Variants in TNFRSF9 observed in about 807,000 individuals in gnomAD.
TNFRSF9 encodes the protein tumor necrosis factor receptor superfamily member 9.
TNFRSF9 carries 16 observed loss-of-function variants against 28.8 expected under a neutral mutation model. The ratio of observed to expected loss-of-function variants is 0.55; its 90% CI spans 0.38 to 0.84. The LOEUF (loss-of-function observed/expected upper bound fraction) is 0.84. TNFRSF9 is among the 40% of genes least tolerant of loss of function. TNFRSF9 has a pLI of 0.00. For synonymous variants in TNFRSF9, 131 were observed against 117.0 expected, an observed-to-expected ratio of 1.12 and a Z score of -0.77; for missense variants, 303 against 315.0, an observed-to-expected ratio of 0.96 and a Z score of 0.29.
At chr1:7,932,716 G>T (rs201870103) in intron 7 of TNFRSF9, among the ~76,000 whole-genome samples, 6 of 144,574 alleles carry the variant, frequency 4.2e-5, no homozygotes, top group East Asian at 4.3e-4. Context: ...CACACACACA[G>T]ACACGCACAC....
At chr1:7,928,367 A>G (rs372825073) in intron 7 of TNFRSF9, among the ~76,000 whole-genome samples, 2 of 152,232 alleles carry the variant, frequency 1.3e-5, no homozygotes, top group South Asian at 2.1e-4. Flanking sequence ...TATATGTAAT[A>G]GTCAAAACAG....
intron 7 of TNFRSF9, among the ~76,000 whole-genome samples, chr1:7,921,269 G>A (rs1019765386): frequency 2.0e-5 from 3 of 151,802 alleles, no homozygotes; most frequent in Non-Finnish European, 4.4e-5. Context: ...CCAGGAGACA[G>A]AGATTGCAGT....
intron 6 of TNFRSF9, among the ~76,000 whole-genome samples, chr1:7,934,437 G>A (rs895193914): frequency 1.3e-5 from 2 of 151,824 alleles, no homozygotes; most frequent in Non-Finnish European, 2.9e-5. Context: ...CTGGACGGGC[G>A]TGGTGGCTCA....
chr1:7,931,188 C>G (rs922355803), intron 7 of TNFRSF9, among the ~76,000 whole-genome samples: 3 of 152,090 alleles, frequency 2.0e-5, no homozygotes, highest in Non-Finnish European at 2.9e-5. Context: ...AAATGGGGTC[C>G]AATCATTTAG....
At chr1:7,933,119 GC>G in intron 7 of TNFRSF9, 42 bp downstream of exon 7, 1 of 1,549,640 alleles carries the variant, frequency 6.5e-7, no homozygotes, top group Non-Finnish European at 8.7e-7. Flanking sequence ...ATTATAAAAA[GC>G]CTTGCCTTGC....
chr1:7,938,278 G>A lies in TNFRSF9; in HGVS notation c.261C>T (p.Asp87=). 1 of 1,609,460 alleles carries A rather than the reference G, an allele frequency of 6.2e-7. No homozygotes were observed. Among genetic ancestry groups the A allele is most frequent in the Non-Finnish European group, 8.5e-7 (1 of 1,178,108 alleles). ...ECSSTSNAEC[D]CTPGFHCLGA... ...CCAGGCAGTGAAACCCTGGAGTGCAGTCACACTCTGCATTGCTGGTGGAGG... is the reference window on the plus strand; with the variant it reads ...CCAGGCAGTGAAACCCTGGAGTGCAATCACACTCTGCATTGCTGGTGGAGG... The change falls in exon 4 of 8, where the codon GAC becomes GAT. Residue 87 remains aspartate (D), a synonymous_variant. Coordinates refer to ENST00000377507, the MANE Select transcript of TNFRSF9 (RefSeq NM_001561.6).
chr1:7,933,209 G>T lies in TNFRSF9; in HGVS notation c.632C>A (p.Ser211Tyr). Reference sequence around the variant, plus strand: ...TTTCTTTCTGCCCCGTTTAACAACAGAGAAACGGAGCGTGAGGAAGAACAG... The same window carrying T: ...TTTCTTTCTGCCCCGTTTAACAACATAGAAACGGAGCGTGAGGAAGAACAG... ...FLLFFLTLRF[S>Y]VVKRGRKKLL... Residue 211 changes from serine (S) to tyrosine (Y), a missense_variant, in exon 7 of 8, where the codon TCT becomes TAT. By Grantham distance (144) the Ser-to-Tyr change is moderately radical. Coordinates refer to ENST00000377507, the MANE Select transcript of TNFRSF9 (RefSeq NM_001561.6). The T allele has an allele frequency of 6.2e-7, 1 of 1,614,020 alleles. No individual in the cohort carries two copies. The highest frequency in any genetic ancestry group is 1.1e-5 in the South Asian group (1 of 91,080).
At chr1:7,925,830 G>A (rs973699289) in intron 7 of TNFRSF9, among the ~76,000 whole-genome samples, 3 of 152,092 alleles carry the variant, frequency 2.0e-5, no homozygotes, top group Non-Finnish European at 4.4e-5. Context: ...GAGATAAGGC[G>A]GTAATGCAAG....
At chr1:7,926,335 C>A (rs1051303041) in intron 7 of TNFRSF9, among the ~76,000 whole-genome samples, 35 of 152,286 alleles carry the variant, frequency 2.3e-4, no homozygotes, top group African/African-American at 8.2e-4. Context: ...GAGGGATAGG[C>A]TATACCATCC....
At chr1:7,931,618 A>C (rs1014342184) in intron 7 of TNFRSF9, among the ~76,000 whole-genome samples, 1 of 152,224 alleles carries the variant, frequency 6.6e-6, no homozygotes, top group African/African-American at 2.4e-5. Context: ...ATACAAGTCT[A>C]GATGTGGTTA....
chr1:7,916,627 G>T lies in TNFRSF9; in HGVS notation c.*4208C>A, dbSNP rs1639480933. On this transcript the variant is annotated 3_prime_UTR_variant, in exon 8 of 8. Transcript: ENST00000377507. ...CACCATGTGTCCAAAGCCAAGAGGA[G>T]AAATCACTTTAGAACTTACAGCATC... 1 of 152,168 alleles carries T rather than the reference G, an allele frequency of 6.6e-6. No individual in the cohort carries two copies. Among genetic ancestry groups the T allele is most frequent in the African/African-American group, 2.4e-5 (1 of 41,450 alleles). 9.4% of individuals were successfully genotyped at this position (152,168 alleles called of 1,614,324 possible).
At chr1:7,936,487 C>G (rs1639818344) in intron 5 of TNFRSF9, 1 of 153,736 alleles carries the variant, frequency 6.5e-6, no homozygotes, top group Admixed American at 6.5e-5. Flanking sequence ...TTTCCAAAGA[C>G]AGAATTCAGC....
intron 7 of TNFRSF9, 81 bp from the exon 8 acceptor site, chr1:7,921,004 C>T: frequency 1.0e-6 from 1 of 1,004,928 alleles, no homozygotes; most frequent in Non-Finnish European, 1.6e-6. Flanking sequence ...ATTATAGCTG[C>T]AGAACATCTC....
At chr1:7,925,049 C>T (rs1162412475) in intron 7 of TNFRSF9, among the ~76,000 whole-genome samples, 2 of 152,170 alleles carry the variant, frequency 1.3e-5, no homozygotes, top group African/African-American at 2.4e-5. Context: ...TGCGGTGGCT[C>T]ATGCCTGTAA....
intron 7 of TNFRSF9, among the ~76,000 whole-genome samples, chr1:7,927,715 T>G (rs1639675217): frequency 6.6e-6 from 1 of 150,558 alleles, no homozygotes; most frequent in Admixed American, 6.6e-5. Flanking sequence ...ACTGTAAAAG[T>G]TATAAGAGAT....
At chr1:7,921,265 G>A (rs1639554329) in intron 7 of TNFRSF9, among the ~76,000 whole-genome samples, 1 of 151,918 alleles carries the variant, frequency 6.6e-6, no homozygotes. Context: ...GAACCCAGGA[G>A]ACAGAGATTG....
At chr1:7,940,548 T>G (rs1028003079) in intron 1 of TNFRSF9, among the ~76,000 whole-genome samples, 7 of 152,228 alleles carry the variant, frequency 4.6e-5, no homozygotes, top group Non-Finnish European at 8.8e-5. Context: ...ACCTCCCTGT[T>G]CAACTCACTA....
At chr1:7,930,436 G>A (rs963225885) in intron 7 of TNFRSF9, among the ~76,000 whole-genome samples, 6 of 152,082 alleles carry the variant, frequency 3.9e-5, no homozygotes, top group African/African-American at 9.7e-5. Flanking sequence ...ATTTTATAAC[G>A]AACTTTGTTG....
intron 7 of TNFRSF9, among the ~76,000 whole-genome samples, chr1:7,930,397 C>T (rs1224731472): frequency 6.6e-6 from 1 of 152,162 alleles, no homozygotes; most frequent in African/African-American, 2.4e-5. Flanking sequence ...TTGAAACTCA[C>T]TAATTACTCA....
Sources: allele counts gnomAD v4.1 joint callset (sites outside exome capture counted in the v4.1 genomes callset), GRCh38; gene constraint gnomAD v4.1.1; transcripts MANE v1.5; gene names NCBI Gene and HGNC (gene_info 2026-07-23, HGNC 2026-07-21).